Variants in PCDHA10 observed in about 807,000 individuals in gnomAD.
PCDHA10 encodes protocadherin alpha 10, also known as protocadherin alpha-10.
PCDHA10 carries 45 observed loss-of-function variants against 61.2 expected under a neutral mutation model. The observed-to-expected ratio is 0.74, with a 90% CI of 0.58 to 0.94. The LOEUF is 0.94. Among genes scored for constraint, PCDHA10 ranks in the 40% least tolerant of loss-of-function variants. PCDHA10 has a pLI of 0.00. For synonymous variants in PCDHA10, 602 were observed against 548.8 expected, an observed-to-expected ratio of 1.10 and a Z score of -1.35; for missense variants, 1,278 against 1,236.2, an observed-to-expected ratio of 1.03 and a Z score of -0.51.
chr5:140,967,087 G>A (rs782556858), intron 1 of PCDHA10: 5 of 1,613,256 alleles, frequency 3.1e-6, no homozygotes, highest in South Asian at 1.1e-5. Flanking sequence ...GCATTGATCG[G>A]GAGGCGCTGT....
intron 1 of PCDHA10, chr5:140,861,770 C>CCAAT (rs386405128): frequency 6.2e-6 from 1 of 161,486 alleles, no homozygotes; most frequent in Non-Finnish European, 1.3e-5. Flanking sequence ...CCTGGAAATA[C>CCAAT]CAAGAGCAGG....
At chr5:140,917,281 T>A (rs1354421886) in intron 1 of PCDHA10, among the ~76,000 whole-genome samples, 1 of 151,298 alleles carries the variant, frequency 6.6e-6, no homozygotes, top group Admixed American at 6.6e-5. Context: ...GTAATGACGC[T>A]TTTCCGTGTG....
chr5:140,975,841 G>T (rs1389959509), intron 1 of PCDHA10, among the ~76,000 whole-genome samples: 1 of 152,066 alleles, frequency 6.6e-6, no homozygotes, highest in Non-Finnish European at 1.5e-5. Context: ...TTATTCTTCA[G>T]TAATACTACA....
chr5:140,876,855 A>C (rs371246236), intron 1 of PCDHA10: 7 of 1,613,934 alleles, frequency 4.3e-6, no homozygotes, highest in East Asian at 2.2e-5. Flanking sequence ...CCGAGTACAC[A>C]GTGTTCGTGA....
chr5:140,974,782 C>T (rs1211935245), intron 1 of PCDHA10, among the ~76,000 whole-genome samples: 11 of 152,150 alleles, frequency 7.2e-5, no homozygotes, highest in African/African-American at 2.7e-4. Context: ...GCCACTGCGC[C>T]CAGCCCTCAT....
chr5:140,876,231 A>C (rs1428769390), intron 1 of PCDHA10: 4 of 1,614,004 alleles, frequency 2.5e-6, no homozygotes, highest in Non-Finnish European at 3.4e-6. Flanking sequence ...TGTTGTCTGA[A>C]AATGTCCAAA....
chr5:140,883,302 A>G, intron 1 of PCDHA10: 1 of 1,614,110 alleles, frequency 6.2e-7, no homozygotes, highest in Non-Finnish European at 8.5e-7. Flanking sequence ...GATGTAAATG[A>G]TAACGCCCCA....
intron 1 of PCDHA10, chr5:140,870,001 G>C (rs782788057): frequency 1.2e-6 from 2 of 1,613,448 alleles, no homozygotes; most frequent in African/African-American, 1.3e-5. Context: ...AAATAATGGA[G>C]AAGTGAGGGT....
At chr5:140,960,629 A>C (rs1370416431) in intron 1 of PCDHA10, among the ~76,000 whole-genome samples, 1 of 152,192 alleles carries the variant, frequency 6.6e-6, no homozygotes, top group Admixed American at 6.5e-5. Flanking sequence ...TTTGAAATAT[A>C]TTTTTAAAAC....
chr5:140,963,238 A>G (rs1347398946), intron 1 of PCDHA10, among the ~76,000 whole-genome samples: 1 of 152,090 alleles, frequency 6.6e-6, no homozygotes, highest in Non-Finnish European at 1.5e-5. Context: ...TGTTTGATGG[A>G]TTAGGTAGGT....
At chr5:140,862,824 G>C (rs1205805230) in intron 1 of PCDHA10, 1 of 571,890 alleles carries the variant, frequency 1.7e-6, no homozygotes, top group Non-Finnish European at 3.4e-6. Flanking sequence ...AGGTGAGAGC[G>C]CGCGACGCGG....
intron 1 of PCDHA10, among the ~76,000 whole-genome samples, chr5:140,972,762 A>G (rs1048509158): frequency 4.7e-5 from 7 of 150,026 alleles, no homozygotes; most frequent in African/African-American, 1.7e-4. Context: ...CTCCCAAGTT[A>G]AAGTGATTCT....
At chr5:140,895,880 C>T (rs564030159) in intron 1 of PCDHA10, among the ~76,000 whole-genome samples, 4 of 152,240 alleles carry the variant, frequency 2.6e-5, no homozygotes, top group East Asian at 3.9e-4. Flanking sequence ...GGCGCGATCT[C>T]GGCTCACTGC....
At chr5:140,937,769 G>A (rs908179495) in intron 1 of PCDHA10, among the ~76,000 whole-genome samples, 44 of 151,776 alleles carry the variant, frequency 2.9e-4, no homozygotes, top group African/African-American at 9.4e-4. Context: ...AAAATTAGTC[G>A]GGCGTGGTGG....
At chr5:140,999,078 T>G (rs1554256609) in intron 3 of PCDHA10, among the ~76,000 whole-genome samples, 2 of 152,208 alleles carry the variant, frequency 1.3e-5, no homozygotes, top group Non-Finnish European at 2.9e-5. Context: ...CTTCACTTCC[T>G]CCTTCAGAGG....
intron 1 of PCDHA10, chr5:140,926,630 C>T (rs754707244): frequency 6.0e-5 from 25 of 417,902 alleles, no homozygotes; most frequent in Non-Finnish European, 3.3e-5. Context: ...CGGCGCTGCG[C>T]TCCTCAACAC....
intron 1 of PCDHA10, among the ~76,000 whole-genome samples, chr5:140,917,473 C>G (rs1355146896): frequency 1.3e-5 from 2 of 152,196 alleles, no homozygotes; most frequent in Admixed American, 1.3e-4. Flanking sequence ...GTCATGAAAT[C>G]TTTGCCAGGG....
At chr5:140,911,892 G>A (rs2075679347) in intron 1 of PCDHA10, among the ~76,000 whole-genome samples, 1 of 152,176 alleles carries the variant, frequency 6.6e-6, no homozygotes. Flanking sequence ...ACCAAAATCT[G>A]TATTAGTCAG....
chr5:140,865,961 T>C (rs1314413159), intron 1 of PCDHA10: 9 of 152,210 alleles, frequency 5.9e-5, no homozygotes, highest in Admixed American at 5.9e-4. Context: ...ATTAATTTTG[T>C]ACAATGTGTG....
Sources: gnomAD v4.1 joint callset for allele counts (sites outside exome capture counted in the v4.1 genomes callset) on GRCh38, gnomAD v4.1.1 for gene constraint, MANE v1.5 for transcripts, NCBI Gene and HGNC (gene_info 2026-07-23, HGNC 2026-07-21) for gene names.